The following BTBD9 variants were observed in gnomAD, a reference collection of about 807,000 sequenced individuals.
The protein encoded by BTBD9 is BTB domain containing 9, also known as BTB/POZ domain-containing protein 9.
A neutral mutation model predicts 64.3 loss-of-function variants in BTBD9; 49 were observed. The observed-to-expected ratio is 0.76, with a 90% confidence interval of 0.61 to 0.97. BTBD9 has a LOEUF of 0.97. Ranked by LOEUF, BTBD9 falls within the 50% of genes least tolerant of loss-of-function variation. The probability of loss-of-function intolerance (pLI) is 0.00; values close to 1 mark genes in which losing one functional copy is unlikely to be tolerated. For missense variants in BTBD9, 598 were observed against 762.1 expected (o/e 0.78, Z 2.53); for synonymous variants, 260 against 274.7 (o/e 0.95, Z 0.53).
At chr6:38,209,999 C>T (rs1762775264) in intron 9 of BTBD9, among the ~76,000 whole-genome samples, 1 of 152,190 alleles carries the variant, frequency 6.6e-6, no homozygotes, top group African/African-American at 2.4e-5. Context: ...TCCTCATATT[C>T]TAACGCTGTG....
chr6:38,242,581 A>C (rs773734638), intron 9 of BTBD9, among the ~76,000 whole-genome samples: 8 of 152,248 alleles, frequency 5.3e-5, no homozygotes, highest in African/African-American at 1.4e-4. Flanking sequence ...CTGTGTGTGC[A>C]TATGTGTGTG....
At chr6:38,213,232 C>A (rs1306699362) in intron 9 of BTBD9, among the ~76,000 whole-genome samples, 1 of 152,024 alleles carries the variant, frequency 6.6e-6, no homozygotes. Context: ...TAATGACAAG[C>A]CAAATTCGTT....
intron 6 of BTBD9, among the ~76,000 whole-genome samples, chr6:38,536,339 T>C (rs1178861653): frequency 6.6e-6 from 1 of 152,060 alleles, no homozygotes; most frequent in African/African-American, 2.4e-5. Context: ...ATGCTGTCAA[T>C]GATGTGGAGA....
At chr6:38,602,001 A>G (rs1777260787) in intron 1 of BTBD9, among the ~76,000 whole-genome samples, 1 of 152,210 alleles carries the variant, frequency 6.6e-6, no homozygotes, top group Admixed American at 6.5e-5. Flanking sequence ...GGAAATTATA[A>G]AACTCCACTG....
At chr6:38,594,379 C>T (rs754725556) in intron 2 of BTBD9, 52 bp from the exon 3 acceptor site, 5 of 1,507,200 alleles carry the variant, frequency 3.3e-6, no homozygotes, top group African/African-American at 1.4e-5. Flanking sequence ...GGATTTGCTA[C>T]AAAATATTGG....
chr6:38,434,545 A>C (rs1156702252), intron 6 of BTBD9, among the ~76,000 whole-genome samples: 1 of 151,876 alleles, frequency 6.6e-6, no homozygotes, highest in Non-Finnish European at 1.5e-5. Flanking sequence ...AAAATGTATA[A>C]AAAACCAAAC....
intron 6 of BTBD9, among the ~76,000 whole-genome samples, chr6:38,459,562 T>C (rs1360699732): frequency 6.6e-6 from 1 of 152,208 alleles, no homozygotes; most frequent in South Asian, 2.1e-4. Flanking sequence ...TATAAGAGGA[T>C]AGAGCCTCCA....
intron 6 of BTBD9, among the ~76,000 whole-genome samples, chr6:38,478,593 G>A (rs1185416248): frequency 6.6e-6 from 1 of 152,136 alleles, no homozygotes; most frequent in Admixed American, 6.5e-5. Flanking sequence ...AAGAGGAAAT[G>A]TGCATGGGCA....
intron 6 of BTBD9, among the ~76,000 whole-genome samples, chr6:38,524,044 T>C (rs1773382253): frequency 6.6e-6 from 1 of 152,228 alleles, no homozygotes; most frequent in African/African-American, 2.4e-5. Context: ...CTTATGTCTT[T>C]TCTCCCCAAT....
chr6:38,418,590 G>C (rs1767774417), intron 6 of BTBD9, among the ~76,000 whole-genome samples: 1 of 152,120 alleles, frequency 6.6e-6, no homozygotes, highest in Admixed American at 6.5e-5. Flanking sequence ...TGGCAGTATT[G>C]CTCAACCTGT....
At chr6:38,381,744 C>T (rs1765942293) in intron 6 of BTBD9, among the ~76,000 whole-genome samples, 1 of 152,108 alleles carries the variant, frequency 6.6e-6, no homozygotes, top group Non-Finnish European at 1.5e-5. Context: ...TTTCTCTAAT[C>T]ACAATCAATC....
At chr6:38,460,827 T>C (rs1050897460) in intron 6 of BTBD9, among the ~76,000 whole-genome samples, 11 of 152,162 alleles carry the variant, frequency 7.2e-5, no homozygotes, top group Admixed American at 5.2e-4. Context: ...TTCACCATGT[T>C]TCCCAGGCTG....
At chr6:38,260,858 T>C (rs1764764390) in intron 8 of BTBD9, among the ~76,000 whole-genome samples, 1 of 152,244 alleles carries the variant, frequency 6.6e-6, no homozygotes, top group Non-Finnish European at 1.5e-5. Flanking sequence ...AGTATTTCAC[T>C]GTATGGATGT....
At chr6:38,238,012 G>A (rs1399162332) in intron 9 of BTBD9, among the ~76,000 whole-genome samples, 2 of 152,172 alleles carry the variant, frequency 1.3e-5, no homozygotes, top group African/African-American at 4.8e-5. Context: ...CATGGTGGTG[G>A]CATGTGCCTA....
intron 6 of BTBD9, among the ~76,000 whole-genome samples, chr6:38,352,974 TA>T (rs1434942423): frequency 6.6e-6 from 1 of 152,156 alleles, no homozygotes; most frequent in Non-Finnish European, 1.5e-5. Flanking sequence ...AACAACAAAT[TA>T]AAAAATCAAA....
In BTBD9 at chr6:38,436,532, C is replaced by T. The variant is rs142487030; in HGVS notation, c.1155-91439G>A. Reference sequence around the variant, plus strand: ...CTGGGATTATAGGCGTGCGAAACCACGCCCAGCTAATTTTTGTATTTTTAG... The same window carrying T: ...CTGGGATTATAGGCGTGCGAAACCATGCCCAGCTAATTTTTGTATTTTTAG... On this transcript the variant is annotated intron_variant, in intron 6 of 10. Transcript: ENST00000481247. Among the ~76,000 whole-genome samples, 433 of 151,716 alleles carry T rather than the reference C, an allele frequency of 2.9e-3. 10 individuals carry two copies. Among genetic ancestry groups the T allele is most frequent in the African/African-American group, 9.8e-3 (402 of 41,138 alleles).
intron 6 of BTBD9, among the ~76,000 whole-genome samples, chr6:38,482,703 C>A (rs969472303): frequency 6.6e-6 from 1 of 152,004 alleles, no homozygotes; most frequent in South Asian, 2.1e-4. Context: ...GTGGGGGAGA[C>A]AGACATGTAA....
chr6:38,621,997 C>T (rs762896732), intron 1 of BTBD9, among the ~76,000 whole-genome samples: 4 of 152,126 alleles, frequency 2.6e-5, no homozygotes, highest in Non-Finnish European at 2.9e-5. Flanking sequence ...GGGTGGTTAA[C>T]GACATTAGAG....
intron 1 of BTBD9, among the ~76,000 whole-genome samples, chr6:38,598,616 A>G (rs1191247597): frequency 6.6e-6 from 1 of 152,162 alleles, no homozygotes; most frequent in African/African-American, 2.4e-5. Flanking sequence ...CAAATATTTC[A>G]TTTAAAAAAA....
Sources: allele counts gnomAD v4.1 joint callset (sites outside exome capture counted in the v4.1 genomes callset), GRCh38; gene constraint gnomAD v4.1.1; transcripts MANE v1.5; gene names NCBI Gene and HGNC (gene_info 2026-07-23, HGNC 2026-07-21).